Variants in XG observed in about 807,000 individuals in gnomAD.
XG encodes the protein glycoprotein Xg.
In XG, 24 loss-of-function variants were observed where a neutral mutation model predicts 25.7. That is an observed-to-expected ratio of 0.93 (90% CI 0.68 to 1.31). The LOEUF is 1.31. Among genes scored for constraint, XG ranks in the 40% most tolerant of loss-of-function variants. The probability of loss-of-function intolerance (pLI) is 0.00; values close to 1 mark genes in which losing one functional copy is unlikely to be tolerated. For missense variants in XG, 181 were observed against 187.6 expected, an observed-to-expected ratio of 0.96 and a Z score of 0.21; for synonymous variants, 77 against 69.2, an observed-to-expected ratio of 1.11 and a Z score of -0.56.
intron 1 of XG, among the ~76,000 whole-genome samples, chrX:2,766,331 G>A (rs2050687802): frequency 6.6e-6 from 1 of 152,106 alleles, no homozygotes; most frequent in Admixed American, 6.5e-5. Flanking sequence ...AGTAGAGACG[G>A]GGTTTCACCA....
At chrX:2,775,403 T>G (rs1433597188) in intron 3 of XG, among the ~76,000 whole-genome samples, 1 of 152,208 alleles carries the variant, frequency 6.6e-6, no homozygotes, top group African/African-American at 2.4e-5. Flanking sequence ...TATATTTTTA[T>G]GAAGATGAAA....
chrX:2,755,944 C>A (rs1216103398), intron 1 of XG, among the ~76,000 whole-genome samples: 1 of 152,082 alleles, frequency 6.6e-6, no homozygotes, highest in African/African-American at 2.4e-5. Context: ...GGGCTTAATG[C>A]CTCTGTGACG....
intron 5 of XG, among the ~76,000 whole-genome samples, chrX:2,790,807 A>T (rs1305861995): frequency 8.9e-6 from 1 of 111,826 alleles, no homozygotes; most frequent in Non-Finnish European, 1.9e-5. Flanking sequence ...TCTCAAAAAA[A>T]GGCGGGGGGG....
chrX:2,763,322 A>G (rs960853584), intron 1 of XG, among the ~76,000 whole-genome samples: 1 of 152,038 alleles, frequency 6.6e-6, no homozygotes, highest in African/African-American at 2.4e-5. Context: ...CCAAGATAAC[A>G]TCTTACTATA....
At position 2,770,016 on chromosome X, in the gene XG, T is replaced by TCGG. The variant is rs1556363304; in HGVS notation, c.62-534_62-533insCGG. On this transcript the variant is annotated intron_variant, in intron 1 of 10. Coordinates refer to ENST00000644266, the MANE Select transcript of XG (RefSeq NM_001141919.2). ...TCTCAACCTAGACTCTGTGCGTGTG[T>TCGG]GGAGGGGTGGGGGGGGCGTTGGGGG... is the stretch of plus-strand genomic sequence containing the variant. 6.0e-3 allele frequency among the ~76,000 whole-genome samples: 273 copies of TCGG among 45,588 alleles called. 2 individuals are homozygous for TCGG. Among genetic ancestry groups the TCGG allele is most frequent in the African/African-American group, 0.021 (245 of 11,622 alleles). 29.9% of individuals were successfully genotyped at this position (45,588 alleles called of 152,430 possible).
At chrX:2,757,971 C>CAAAAA (rs59540338) in intron 1 of XG, among the ~76,000 whole-genome samples, 1 of 88,638 alleles carries the variant, frequency 1.1e-5, no homozygotes, top group Non-Finnish European at 2.2e-5. Context: ...GACTCCATCT[C>CAAAAA]AAAAAAAAAA....
intron 7 of XG, among the ~76,000 whole-genome samples, chrX:2,798,888 C>CTT (rs1254883670): frequency 5.1e-4 from 51 of 100,957 alleles, no homozygotes; most frequent in African/African-American, 1.6e-3. Context: ...CTTTTTCTTT[C>CTT]TTTTTTTTTT....
intron 1 of XG, among the ~76,000 whole-genome samples, chrX:2,767,421 G>C (rs950858757): frequency 1.3e-5 from 2 of 152,112 alleles, no homozygotes; most frequent in African/African-American, 4.8e-5. Context: ...CACAAAATGA[G>C]GCTGCTTTCT....
intron 7 of XG, 142 bp downstream of exon 7, chrX:2,797,502 G>A: frequency 4.3e-6 from 3 of 697,683 alleles, no homozygotes; most frequent in African/African-American, 2.1e-5. Flanking sequence ...CTGGTCTTCT[G>A]AGAACCTGTC....
At chrX:2,755,665 G>A (rs1305353593) in intron 1 of XG, among the ~76,000 whole-genome samples, 1 of 152,120 alleles carries the variant, frequency 6.6e-6, no homozygotes, top group Admixed American at 6.6e-5. Flanking sequence ...GCGCCCCTTA[G>A]GGAGGTTACA....
At chrX:2,789,851 T>G (rs1193348037) in intron 5 of XG, 145 bp downstream of exon 5, 3 of 291,737 alleles carry the variant, frequency 1.0e-5, no homozygotes, top group African/African-American at 8.5e-5. Context: ...TTCTATGTTA[T>G]TTTACTATTT....
rs147100814 is a variant in XG, at chrX:2,801,382, T to A, written c.373+4022T>A. Among the ~76,000 whole-genome samples the A allele has an allele frequency of 6.6e-3, 730 of 110,764 alleles. 7 individuals carry two copies. Among genetic ancestry groups the A allele is most frequent in the African/African-American group, 0.022 (685 of 30,509 alleles). Reference sequence around the variant, plus strand: ...GAGAAAGAGAAGCATCTGAAAAAGTTGGGAGGTTGTGGACCGCAGCAGCTT... The same window carrying A: ...GAGAAAGAGAAGCATCTGAAAAAGTAGGGAGGTTGTGGACCGCAGCAGCTT... On this transcript the variant is annotated intron_variant, in intron 7 of 10. Coordinates refer to ENST00000644266, the MANE Select transcript of XG (RefSeq NM_001141919.2).
chrX:2,755,828 G>T (rs1193278840), intron 1 of XG, among the ~76,000 whole-genome samples: 1 of 152,082 alleles, frequency 6.6e-6, no homozygotes, highest in African/African-American at 2.4e-5. Flanking sequence ...TGGAAATGGG[G>T]CACATTCCCA....
intron 7 of XG, among the ~76,000 whole-genome samples, chrX:2,798,888 C>T (rs865989371): frequency 9.9e-6 from 1 of 100,970 alleles, no homozygotes; most frequent in African/African-American, 3.6e-5. Context: ...CTTTTTCTTT[C>T]TTTTTTTTTT....
chrX:2,754,990 G>A (rs1160100049), intron 1 of XG, among the ~76,000 whole-genome samples: 3 of 152,166 alleles, frequency 2.0e-5, no homozygotes, highest in Non-Finnish European at 4.4e-5. Flanking sequence ...GGATTTGGAC[G>A]GGGGCAGCCG....
intron 4 of XG, among the ~76,000 whole-genome samples, chrX:2,783,976 AAAACCAAACCAAACC>A (rs200988138): frequency 9.0e-6 from 1 of 110,827 alleles, no homozygotes; most frequent in Non-Finnish European, 1.9e-5. Flanking sequence ...TCTGTCTCGA[AAAACCAAACCAAACC>A]AAACCAAACC....
In XG at chrX:2,804,387, C is replaced by T. The variant is rs1309056553; in HGVS notation, c.374-2314C>T. Among the ~76,000 whole-genome samples the T allele has an allele frequency of 1.8e-4, 20 of 111,924 alleles. No individual in the cohort carries two copies. The Admixed American group carries it at 1.8e-3, about 10-fold the overall frequency. On this transcript the variant is annotated intron_variant, in intron 7 of 10. Transcript: ENST00000644266. ...GCCTCTTTCACTGTCATCATTTCCT[C>T]AGTTACAATTTTTGCAAAGGTGGTT...
In XG at chrX:2,755,330, T is replaced by C. The variant is rs1033280635; in HGVS notation, c.61+2995T>C. Among the ~76,000 whole-genome samples, 11 of 152,288 alleles carry C rather than the reference T, an allele frequency of 7.2e-5. 1 individual carries two copies. The highest frequency in any genetic ancestry group is 2.6e-4 in the Admixed American group (4 of 15,274). ...AAGCAAGGCTTGGATTATTCATGCC[T>C]CCCCTTTTTAGACCATGCAGAGTTC... On this transcript the variant is annotated intron_variant, in intron 1 of 10. Transcript: ENST00000644266.
In XG at chrX:2,765,278, G is replaced by C. The variant is rs182578063; in HGVS notation, c.62-5272G>C. Among the ~76,000 whole-genome samples, 496 of 151,810 alleles carry C rather than the reference G, an allele frequency of 3.3e-3. 1 individual carries two copies. Among genetic ancestry groups the C allele is most frequent in the Middle Eastern group, 0.014 (4 of 294 alleles). On this transcript the variant is annotated intron_variant, in intron 1 of 10. Transcript: ENST00000644266. ...AGGCGGGAGAATCAATTGAACCTGG[G>C]GGGCAGAGGTTGCAGTGAACAGAGA... is the stretch of plus-strand genomic sequence containing the variant.
Sources: gnomAD v4.1 joint callset for allele counts (sites outside exome capture counted in the v4.1 genomes callset) on GRCh38, gnomAD v4.1.1 for gene constraint, MANE v1.5 for transcripts, NCBI Gene and HGNC (gene_info 2026-07-23, HGNC 2026-07-21) for gene names.